Variants in PSD3 observed in about 807,000 individuals in gnomAD.
PSD3 encodes the protein PH and SEC7 domain-containing protein 3.
PSD3 carries 49 observed loss-of-function variants against 105.5 expected under a neutral mutation model. That is an observed-to-expected ratio of 0.46 (90% CI 0.37 to 0.59). The LOEUF (loss-of-function observed/expected upper bound fraction) is 0.59. Ranked by LOEUF, PSD3 falls within the 20% of genes least tolerant of loss-of-function variation. The pLI, the probability that PSD3 is intolerant of heterozygous loss-of-function variation, is 0.00. For missense variants in PSD3, 1,561 were observed against 1,263.8 expected (o/e 1.24, Z -3.57); for synonymous variants, 557 against 457.8 (o/e 1.22, Z -2.77).
intron 9 of PSD3, among the ~76,000 whole-genome samples, chr8:18,701,865 G>C (rs1183687643): frequency 6.6e-6 from 1 of 152,084 alleles, no homozygotes; most frequent in African/African-American, 2.4e-5. Context: ...TTTCATCTCA[G>C]GTTTTTTCAA....
intron 1 of PSD3, among the ~76,000 whole-genome samples, chr8:19,062,119 A>G (rs370819054): frequency 1.3e-5 from 2 of 152,348 alleles, no homozygotes; most frequent in South Asian, 4.1e-4. Flanking sequence ...GAACACAAGT[A>G]AACTCAATCA....
intron 10 of PSD3, among the ~76,000 whole-genome samples, chr8:18,652,608 C>T (rs1280617421): frequency 1.3e-5 from 2 of 149,256 alleles, no homozygotes; most frequent in Non-Finnish European, 3.0e-5. Flanking sequence ...AGCAATTCTC[C>T]CGCCTCAGCC....
intron 1 of PSD3, among the ~76,000 whole-genome samples, chr8:19,075,878 G>A (rs6991792): frequency 0.32 from 48,721 of 152,124 alleles, 9,340 homozygotes; most frequent in South Asian, 0.48. Context: ...CATTTAATAA[G>A]TTAATTTAAT....
intron 2 of PSD3, among the ~76,000 whole-genome samples, chr8:18,919,580 C>T (rs891479371): frequency 3.3e-5 from 5 of 151,712 alleles, no homozygotes; most frequent in Admixed American, 6.6e-5. Context: ...CAAGGTGGGG[C>T]GGGGCAGGAC....
intron 1 of PSD3, among the ~76,000 whole-genome samples, chr8:18,945,244 T>A (rs185663087): frequency 4.9e-4 from 75 of 152,360 alleles, no homozygotes; most frequent in Non-Finnish European, 8.8e-4. Flanking sequence ...GGGAGGGCTA[T>A]CTTGGATTAG....
intron 2 of PSD3, among the ~76,000 whole-genome samples, chr8:18,901,412 C>G (rs1819494736): frequency 6.6e-6 from 1 of 152,156 alleles, no homozygotes. Flanking sequence ...AGAATTTAAT[C>G]CATTGACATT....
chr8:18,934,050 T>C (rs1327945461), intron 2 of PSD3, among the ~76,000 whole-genome samples: 6 of 152,238 alleles, frequency 3.9e-5, no homozygotes, highest in Admixed American at 6.5e-5. Context: ...ACTATTAAGA[T>C]ATCTAATAAA....
chr8:18,598,817 T>G (rs556378285), intron 12 of PSD3, among the ~76,000 whole-genome samples: 187 of 152,130 alleles, frequency 1.2e-3, no homozygotes, highest in African/African-American at 4.3e-3. Flanking sequence ...AAAAAATACT[T>G]AAGAATAAAC....
intron 9 of PSD3, among the ~76,000 whole-genome samples, chr8:18,671,081 G>T (rs1799757621): frequency 6.6e-6 from 1 of 152,168 alleles, no homozygotes; most frequent in Non-Finnish European, 1.5e-5. Flanking sequence ...GAAGGCAAGG[G>T]CTTCAGTGAG....
Position 18,746,745 on chromosome 8 carries a change from G to A in PSD3, c.2172+18704C>T, listed in dbSNP as rs115219136. 9.2e-3 allele frequency among the ~76,000 whole-genome samples: 1,407 copies of A among 152,232 alleles called. 24 individuals carry two copies. The highest frequency in any genetic ancestry group is 0.032 in the African/African-American group (1,331 of 41,538). The stretch of plus-strand genomic sequence containing the variant: ...TCTTTCCTTTTCCATTCCCTTTAGT[G>A]TAAATTACAAAATACTTAATTTGTA... On this transcript the variant is annotated intron_variant, in intron 9 of 15. Coordinates refer to ENST00000327040, the MANE Select transcript of PSD3 (RefSeq NM_015310.4).
chr8:18,970,324 C>CA (rs11450922), intron 1 of PSD3, among the ~76,000 whole-genome samples: 5,981 of 45,270 alleles, frequency 0.13, 1,039 homozygotes, highest in African/African-American at 0.18. Context: ...GACTCTGCCT[C>CA]AAAAAAAAAA....
At chr8:18,596,317 A>G (rs1804092311) in intron 12 of PSD3, among the ~76,000 whole-genome samples, 2 of 152,078 alleles carry the variant, frequency 1.3e-5, no homozygotes, top group Non-Finnish European at 2.9e-5. Context: ...AGATTTAAAT[A>G]AACAACCTGT....
chr8:18,906,370 G>A (rs770056147), intron 2 of PSD3, among the ~76,000 whole-genome samples: 2 of 152,156 alleles, frequency 1.3e-5, no homozygotes, highest in Non-Finnish European at 2.9e-5. Flanking sequence ...AGATGTGGCC[G>A]TGTTTTTAAA....
chr8:18,715,110 A>T (rs1585708040), intron 9 of PSD3, among the ~76,000 whole-genome samples: 3 of 152,262 alleles, frequency 2.0e-5, no homozygotes, highest in Admixed American at 2.0e-4. Flanking sequence ...GAGGGAAACA[A>T]CACACACTGG....
intron 4 of PSD3, chr8:18,808,965 A>G (rs1366262227): frequency 7.1e-7 from 1 of 1,413,630 alleles, no homozygotes; most frequent in Non-Finnish European, 9.3e-7. Flanking sequence ...CGGTTTCTGT[A>G]ATGTTTCTGC....
chr8:18,544,171 C>CAA (rs201016537), intron 15 of PSD3, among the ~76,000 whole-genome samples: 55 of 106,658 alleles, frequency 5.2e-4, no homozygotes, highest in African/African-American at 1.3e-3. Context: ...AGAAACAAAC[C>CAA]AAAAAAAAAA....
At chr8:18,877,723 T>A (rs1817827824) in intron 2 of PSD3, among the ~76,000 whole-genome samples, 1 of 151,870 alleles carries the variant, frequency 6.6e-6, no homozygotes, top group East Asian at 1.9e-4. Flanking sequence ...TCATTTTTTT[T>A]AAGAGACAGG....
chr8:18,913,343 A>ATT (rs112163990), intron 2 of PSD3, among the ~76,000 whole-genome samples: 2 of 147,862 alleles, frequency 1.4e-5, no homozygotes, highest in South Asian at 2.1e-4. Flanking sequence ...CAACCTGTTC[A>ATT]TTTTTTTTTT....
intron 1 of PSD3, among the ~76,000 whole-genome samples, chr8:19,061,918 C>T (rs1483625655): frequency 1.3e-5 from 2 of 152,062 alleles, no homozygotes; most frequent in Admixed American, 1.3e-4. Context: ...AGGTCATGTC[C>T]TATATTCTAC....
Sources: allele counts gnomAD v4.1 joint callset (sites outside exome capture counted in the v4.1 genomes callset), GRCh38; gene constraint gnomAD v4.1.1; transcripts MANE v1.5; gene names NCBI Gene and HGNC (gene_info 2026-07-23, HGNC 2026-07-21).